Variants in CSMD1 observed in about 807,000 individuals in gnomAD.
CSMD1 encodes CUB and sushi domain-containing protein 1.
A neutral mutation model predicts 417.5 loss-of-function variants in CSMD1; 213 were observed. The observed-to-expected ratio is 0.51, with a 90% CI of 0.46 to 0.57. The LOEUF (loss-of-function observed/expected upper bound fraction) is 0.57, where lower values mean the gene tolerates loss of function less well. Among genes scored for constraint, CSMD1 ranks in the 20% least tolerant of loss-of-function variants. The pLI, the probability that CSMD1 is intolerant of heterozygous loss-of-function variation, is 0.00. For missense variants in CSMD1, 6,923 were observed against 4,529.7 expected, an observed-to-expected ratio of 1.53 and a Z score of -15.17; for synonymous variants, 2,862 against 1,736.8, an observed-to-expected ratio of 1.65 and a Z score of -16.11.
At chr8:4,088,585 C>G (rs1295185636) in intron 3 of CSMD1, among the ~76,000 whole-genome samples, 1 of 152,100 alleles carries the variant, frequency 6.6e-6, no homozygotes, top group East Asian at 1.9e-4. Flanking sequence ...GAGACTATAC[C>G]TCCCACATGT....
chr8:3,286,252 G>C (rs947365930), intron 25 of CSMD1, among the ~76,000 whole-genome samples: 1 of 152,156 alleles, frequency 6.6e-6, no homozygotes, highest in Admixed American at 6.5e-5. Flanking sequence ...TTGGTTCCAA[G>C]TCTTTGCTAT....
intron 3 of CSMD1, among the ~76,000 whole-genome samples, chr8:4,186,290 G>C (rs536034285): frequency 6.6e-6 from 1 of 152,086 alleles, no homozygotes; most frequent in Admixed American, 6.5e-5. Flanking sequence ...AAGGAGGCCC[G>C]TGTTCAAGGT....
rs1423114739 is a variant in CSMD1, at chr8:3,785,120, T to A, written c.819-31078A>T. Among the ~76,000 whole-genome samples the A allele has an allele frequency of 3.3e-5, 5 of 152,294 alleles. No homozygotes were observed. The East Asian group carries it at 9.6e-4, about 29-fold the overall frequency. On this transcript the variant is annotated intron_variant, in intron 5 of 69. Transcript: ENST00000635120. ...ACTGAATTTGAATCCTGGTCCTACC[T>A]CTGTGATGTTGGGTAAGTTCTTTAA...
Position 3,091,651 on chromosome 8 carries a change from G to T in CSMD1, c.7150C>A (p.Gln2384Lys), listed in dbSNP as rs749760795. Residue 2384 changes from glutamine to lysine, a missense_variant, in exon 48 of 70, where the codon CAA (glutamine) becomes AAA (lysine). Coordinates refer to ENST00000635120, the MANE Select transcript of CSMD1 (RefSeq NM_033225.6). ...ALEVFDGSSG[Q>K]SPLLVVLSGN... The stretch of plus-strand genomic sequence containing the variant: ...CTTAAGACTACTAGCAGAGGACTTT[G>T]CCCAGAAGAACCTAAGTGAAACAGA... 40 of 1,608,386 alleles carry T rather than the reference G, an allele frequency of 2.5e-5. No homozygotes were observed. Among genetic ancestry groups the T allele is most frequent in the Non-Finnish European group, 3.0e-5 (35 of 1,178,778 alleles).
At chr8:3,454,190 T>G (rs1815950416) in intron 12 of CSMD1, among the ~76,000 whole-genome samples, 1 of 152,238 alleles carries the variant, frequency 6.6e-6, no homozygotes, top group Non-Finnish European at 1.5e-5. Context: ...CCTCTTTATT[T>G]TGAGCCTATG....
At chr8:4,895,887 G>A (rs983180670) in intron 1 of CSMD1, among the ~76,000 whole-genome samples, 1 of 151,890 alleles carries the variant, frequency 6.6e-6, no homozygotes, top group Admixed American at 6.6e-5. Context: ...TACTTCCCCT[G>A]TTGTAAATAC....
intron 54 of CSMD1, among the ~76,000 whole-genome samples, chr8:2,992,241 T>C (rs1432988578): frequency 1.3e-5 from 2 of 151,708 alleles, no homozygotes; most frequent in African/African-American, 4.9e-5. Context: ...GCCACACTCA[T>C]TGCTGGGAGG....
chr8:4,783,969 T>A (rs1361210014), intron 1 of CSMD1, among the ~76,000 whole-genome samples: 2 of 152,156 alleles, frequency 1.3e-5, no homozygotes, highest in Admixed American at 1.3e-4. Context: ...TCCCACAGAT[T>A]GGATGAGGTG....
chr8:3,651,721 C>T (rs755335772), intron 7 of CSMD1, among the ~76,000 whole-genome samples: 2 of 151,912 alleles, frequency 1.3e-5, no homozygotes, highest in Non-Finnish European at 2.9e-5. Flanking sequence ...ACAGTGCTTA[C>T]CAGCAACAGC....
chr8:4,290,097 T>A (rs925288489), intron 3 of CSMD1, among the ~76,000 whole-genome samples: 6 of 152,180 alleles, frequency 3.9e-5, no homozygotes, highest in Non-Finnish European at 8.8e-5. Flanking sequence ...CATACAGATG[T>A]GCAACAAAAC....
intron 8 of CSMD1, among the ~76,000 whole-genome samples, chr8:3,605,917 C>T (rs544615769): frequency 3.3e-4 from 50 of 152,212 alleles, no homozygotes; most frequent in Admixed American, 1.4e-3. Context: ...TCCATATATC[C>T]CTAGAGACTG....
At chr8:4,489,655 C>T (rs535976849) in intron 2 of CSMD1, among the ~76,000 whole-genome samples, 15 of 152,240 alleles carry the variant, frequency 9.9e-5, no homozygotes, top group East Asian at 3.9e-4. Context: ...GCTAAGGTGA[C>T]GGCATGCGTG....
At chr8:3,457,929 T>C (rs565798855) in intron 12 of CSMD1, among the ~76,000 whole-genome samples, 1 of 151,896 alleles carries the variant, frequency 6.6e-6, no homozygotes, top group South Asian at 2.1e-4. Flanking sequence ...TGGAAAAAAA[T>C]AGGAAGCTCA....
rs1368443300 is a variant in CSMD1, at chr8:4,876,698, TGCTA to T, written c.85+117630_85+117633del. On this transcript the variant is annotated intron_variant, in intron 1 of 69. Transcript: ENST00000635120. ...GTTAGGTGCATATAGTCTCCTTCTG[TGCTA>T]ATTTCTAAGACAATATCATGACCTC... Among the ~76,000 whole-genome samples the T allele has an allele frequency of 7.2e-5, 11 of 152,202 alleles. No homozygotes were observed. The East Asian group carries it at 1.7e-3, about 24-fold the overall frequency.
chr8:4,037,021 G>C (rs1008566580), intron 3 of CSMD1, among the ~76,000 whole-genome samples: 5 of 151,160 alleles, frequency 3.3e-5, no homozygotes, highest in African/African-American at 1.2e-4. Context: ...AGTGTGTCCT[G>C]TCCAGGGCTG....
chr8:4,265,521 C>T lies in CSMD1; in HGVS notation c.415+154432G>A, dbSNP rs1317731287. ...TCAAAAATAGCAAAATTTAATAGTA[C>T]AATTTAAAAATTATTTATTTACAAA... On this transcript the variant is annotated intron_variant, in intron 3 of 69. Coordinates refer to ENST00000635120, the MANE Select transcript of CSMD1 (RefSeq NM_033225.6). Among the ~76,000 whole-genome samples, 14 of 104,182 alleles carry T rather than the reference C, an allele frequency of 1.3e-4. 6 individuals are homozygous for T. Among genetic ancestry groups the T allele is most frequent in the Non-Finnish European group, 3.3e-4 (13 of 38,824 alleles). 68.3% of individuals were successfully genotyped at this position (104,182 alleles called of 152,430 possible). A position where few individuals can be genotyped will look rare whatever the true frequency, so the allele number is the denominator to read the frequency against.
chr8:4,301,280 A>C (rs747121324), intron 3 of CSMD1, among the ~76,000 whole-genome samples: 11 of 152,216 alleles, frequency 7.2e-5, no homozygotes, highest in Non-Finnish European at 8.8e-5. Context: ...AAAGTCAACA[A>C]GCAAAATGCC....
At chr8:3,915,107 C>T (rs1054031165) in intron 5 of CSMD1, among the ~76,000 whole-genome samples, 1 of 151,984 alleles carries the variant, frequency 6.6e-6, no homozygotes, top group Non-Finnish European at 1.5e-5. Context: ...AATGAAGAGT[C>T]AAGAGTTTAG....
At chr8:4,689,367 C>A (rs1448338626) in intron 1 of CSMD1, among the ~76,000 whole-genome samples, 1 of 152,106 alleles carries the variant, frequency 6.6e-6, no homozygotes, top group African/African-American at 2.4e-5. Flanking sequence ...ATTTTTTCCA[C>A]ATTGTAGAGT....
Sources: gnomAD v4.1 joint callset for allele counts (sites outside exome capture counted in the v4.1 genomes callset) on GRCh38, gnomAD v4.1.1 for gene constraint, MANE v1.5 for transcripts, NCBI Gene and HGNC (gene_info 2026-07-23, HGNC 2026-07-21) for gene names.